The following AEBP2 variants were observed in gnomAD, a reference collection of about 807,000 sequenced individuals.
The protein encoded by AEBP2 is AE binding protein 2, also known as zinc finger protein AEBP2.
Under a neutral mutation model 50.8 loss-of-function variants are expected in AEBP2, and 10 were observed. The observed-to-expected ratio is 0.20, with a 90% CI of 0.12 to 0.33. The LOEUF (loss-of-function observed/expected upper bound fraction) is 0.33. Ranked by LOEUF, AEBP2 falls within the 10% of genes least tolerant of loss-of-function variation. AEBP2 has a pLI of 1.00. For synonymous variants in AEBP2, 296 were observed against 261.3 expected (o/e 1.13, Z -1.28); for missense variants, 570 against 688.0 (o/e 0.83, Z 1.92).
chr12:19,483,892 G>C (rs532138932), intron 3 of AEBP2, among the ~76,000 whole-genome samples: 2 of 151,942 alleles, frequency 1.3e-5, no homozygotes, highest in Non-Finnish European at 2.9e-5. Context: ...GTGGATCAAA[G>C]GTTAATGTAA....
chr12:19,439,557 G>C lies in AEBP2; in HGVS notation c.-143G>C. ...CGCGGGCTCCGTAGCGCGTGTGCAGGCTGACGCAGCTCGCGGGCCCTCCTC... is the reference window on the plus strand; with the variant it reads ...CGCGGGCTCCGTAGCGCGTGTGCAGCCTGACGCAGCTCGCGGGCCCTCCTC... On this transcript the variant is annotated 5_prime_UTR_variant, in exon 1 of 8. Transcript: ENST00000266508. 8.9e-7 allele frequency: 1 copy of C among 1,127,414 alleles called. No homozygotes were observed. The highest frequency in any genetic ancestry group is 3.0e-5 in the East Asian group (1 of 33,752). 69.8% of individuals were successfully genotyped at this position (1,127,414 alleles called of 1,614,324 possible).
chr12:19,501,740 T>A (rs528279776), intron 5 of AEBP2, among the ~76,000 whole-genome samples: 2 of 150,966 alleles, frequency 1.3e-5, no homozygotes, highest in South Asian at 4.2e-4. Flanking sequence ...CTTATTGATA[T>A]CAATATGTTG....
At chr12:19,497,730 C>T (rs1949009281) in intron 4 of AEBP2, among the ~76,000 whole-genome samples, 1 of 152,192 alleles carries the variant, frequency 6.6e-6, no homozygotes, top group Non-Finnish European at 1.5e-5. Flanking sequence ...CTGCCTTGGC[C>T]TCCCAAAGTG....
At chr12:19,446,732 C>CAA (rs34624474) in intron 1 of AEBP2, among the ~76,000 whole-genome samples, 8 of 115,024 alleles carry the variant, frequency 7.0e-5, no homozygotes, top group East Asian at 5.1e-4. Context: ...ACTCCGTTTC[C>CAA]AAAAAAAAAA....
intron 2 of AEBP2, among the ~76,000 whole-genome samples, chr12:19,470,253 G>A (rs1241789194): frequency 6.6e-6 from 1 of 151,816 alleles, no homozygotes; most frequent in Non-Finnish European, 1.5e-5. Context: ...CCCCTCCCAG[G>A]TTCAAGCGAT....
intron 1 of AEBP2, chr12:19,440,594 C>G: frequency 6.8e-7 from 1 of 1,465,366 alleles, no homozygotes; most frequent in Non-Finnish European, 9.1e-7. Context: ...TCTCCTTTCC[C>G]CGCCCTCTTT....
chr12:19,413,353 G>A, intron 1 of AEBP2: 10 of 1,062,658 alleles, frequency 9.4e-6, no homozygotes, highest in Non-Finnish European at 1.5e-5. Flanking sequence ...GTCAGAACAA[G>A]GTTTAATAGA....
intron 5 of AEBP2, among the ~76,000 whole-genome samples, chr12:19,500,959 ATTAAG>A (rs1949062821): frequency 6.6e-6 from 1 of 152,074 alleles, no homozygotes; most frequent in South Asian, 2.1e-4. Context: ...GTTTGGTGTA[ATTAAG>A]TTAATAAATG....
At chr12:19,475,008 G>T (rs1221524011) in intron 3 of AEBP2, among the ~76,000 whole-genome samples, 1 of 152,158 alleles carries the variant, frequency 6.6e-6, no homozygotes, top group Non-Finnish European at 1.5e-5. Context: ...GGCCAGGCTG[G>T]TCTTGGACTC....
At chr12:19,466,620 G>C (rs561453908) in intron 2 of AEBP2, 1 of 171,262 alleles carries the variant, frequency 5.8e-6, no homozygotes, top group African/African-American at 2.4e-5. Context: ...CTAGCTCCTG[G>C]TAACCACAGT....
intron 3 of AEBP2, among the ~76,000 whole-genome samples, chr12:19,477,329 G>A (rs1458719016): frequency 6.6e-6 from 1 of 152,044 alleles, no homozygotes; most frequent in Non-Finnish European, 1.5e-5. Context: ...AGGACTTCTA[G>A]TACTTATGTT....
Position 19,520,067 on chromosome 12 carries a change from T to A in AEBP2, c.*1950T>A, listed in dbSNP as rs1041875291. The A allele has an allele frequency of 2.0e-5, 3 of 152,736 alleles. No homozygotes were observed. The South Asian group carries it at 6.2e-4, about 32-fold the overall frequency. The allele number at this position is 152,736 out of a possible 1,614,324, so 9.5% of individuals were successfully genotyped here. ...AATCTCTTTTGTTCTTTTTAAAATT[T>A]GATTTGTTATAAAATTGCCAAATAG... On this transcript the variant is annotated 3_prime_UTR_variant, in exon 8 of 8. Transcript: ENST00000266508.
At chr12:19,413,847 T>C (rs1299447396) in intron 1 of AEBP2, among the ~76,000 whole-genome samples, 1 of 152,126 alleles carries the variant, frequency 6.6e-6, no homozygotes, top group Non-Finnish European at 1.5e-5. Flanking sequence ...TTTAGCTGGA[T>C]TCCTTACTGC....
chr12:19,498,445 G>C (rs1346666427), intron 4 of AEBP2, among the ~76,000 whole-genome samples: 2 of 152,044 alleles, frequency 1.3e-5, no homozygotes, highest in Non-Finnish European at 2.9e-5. Flanking sequence ...TGTTTGTTTA[G>C]GTATGTTCTA....
At chr12:19,478,491 T>C (rs1948682998) in intron 3 of AEBP2, among the ~76,000 whole-genome samples, 1 of 152,142 alleles carries the variant, frequency 6.6e-6, no homozygotes, top group South Asian at 2.1e-4. Flanking sequence ...GGTTTCACCA[T>C]GTTGCCCAGG....
chr12:19,489,159 G>GT (rs1565727974), intron 3 of AEBP2, among the ~76,000 whole-genome samples: 1 of 152,104 alleles, frequency 6.6e-6, no homozygotes, highest in Non-Finnish European at 1.5e-5. Flanking sequence ...GTATTAGTCC[G>GT]TTTTTCACAC....
intron 3 of AEBP2, among the ~76,000 whole-genome samples, chr12:19,480,888 A>G (rs1948718627): frequency 6.6e-6 from 1 of 152,098 alleles, no homozygotes; most frequent in South Asian, 2.1e-4. Context: ...AAGTTTTCCA[A>G]ACTTGTAGAT....
intron 1 of AEBP2, among the ~76,000 whole-genome samples, chr12:19,455,695 C>T (rs190535872): frequency 4.6e-5 from 7 of 152,242 alleles, no homozygotes; most frequent in South Asian, 4.1e-4. Flanking sequence ...TACAGTTGAT[C>T]GCTCTAGCTG....
At chr12:19,509,198 G>GATCAAACCCA in intron 5 of AEBP2, 1 of 390,494 alleles carries the variant, frequency 2.6e-6, no homozygotes, top group Non-Finnish European at 4.9e-6. Context: ...CCTTATTAAG[G>GATCAAACCCA]AGTAGAAAAT....
Sources: gnomAD v4.1 joint callset for allele counts (sites outside exome capture counted in the v4.1 genomes callset) on GRCh38, gnomAD v4.1.1 for gene constraint, MANE v1.5 for transcripts, NCBI Gene and HGNC (gene_info 2026-07-23, HGNC 2026-07-21) for gene names.